NSMCE2: variants seen among roughly 807,000 people sequenced by gnomAD.
NSMCE2 encodes E3 SUMO-protein ligase NSE2.
A neutral mutation model predicts 23.8 loss-of-function variants in NSMCE2; 24 were observed. The observed-to-expected ratio is 1.01, with a 90% CI of 0.73 to 1.42. The LOEUF is 1.42. Ranked by LOEUF, NSMCE2 falls within the 40% of genes most tolerant of loss-of-function variation. The probability of loss-of-function intolerance (pLI) is 0.00; values close to 1 mark genes in which losing one functional copy is unlikely to be tolerated. For synonymous variants in NSMCE2, 92 were observed against 94.1 expected (o/e 0.98, Z 0.13); for missense variants, 284 against 296.5 (o/e 0.96, Z 0.31).
chr8:125,199,067 A>G (rs1196126140), intron 5 of NSMCE2, among the ~76,000 whole-genome samples: 3 of 151,440 alleles, frequency 2.0e-5, no homozygotes, highest in Non-Finnish European at 4.4e-5. Flanking sequence ...CGTCTGTATG[A>G]TTCCTCTCTC....
At chr8:125,237,566 C>A (rs1276771647) in intron 5 of NSMCE2, among the ~76,000 whole-genome samples, 1 of 152,174 alleles carries the variant, frequency 6.6e-6, no homozygotes, top group Non-Finnish European at 1.5e-5. Flanking sequence ...CTGGAAACTG[C>A]CTTTTCAAGG....
At chr8:125,232,017 A>T (rs760091668) in intron 5 of NSMCE2, among the ~76,000 whole-genome samples, 5 of 152,226 alleles carry the variant, frequency 3.3e-5, no homozygotes, top group Non-Finnish European at 7.3e-5. Flanking sequence ...TTAGAATATC[A>T]CCCACTGTAT....
At position 125,268,168 on chromosome 8, in the gene NSMCE2, A is replaced by G. The variant is rs552548839; in HGVS notation, c.418+85912A>G. Among the ~76,000 whole-genome samples, 5 of 151,946 alleles carry G rather than the reference A, an allele frequency of 3.3e-5. No individual in the cohort carries two copies. In the East Asian group the frequency reaches 9.7e-4, roughly 29 times the overall value. On this transcript the variant is annotated intron_variant, in intron 5 of 7. Coordinates refer to ENST00000287437, the MANE Select transcript of NSMCE2 (RefSeq NM_173685.4). ...AGGATTTTTTGAGCCTGGGAGGTCG[A>G]GGCTGCGGTGAACCATGATCACACC... is the stretch of plus-strand genomic sequence containing the variant.
At chr8:125,248,160 G>A (rs992785834) in intron 5 of NSMCE2, among the ~76,000 whole-genome samples, 1 of 152,160 alleles carries the variant, frequency 6.6e-6, no homozygotes, top group Non-Finnish European at 1.5e-5. Flanking sequence ...TGAAACTAAA[G>A]TGTGAAAAGA....
intron 5 of NSMCE2, among the ~76,000 whole-genome samples, chr8:125,309,348 T>A (rs1218000945): frequency 6.6e-6 from 1 of 152,110 alleles, no homozygotes; most frequent in African/African-American, 2.4e-5. Flanking sequence ...CATTAAGCAC[T>A]TTAGGAGCTT....
intron 7 of NSMCE2, among the ~76,000 whole-genome samples, chr8:125,366,267 G>A (rs538955456): frequency 6.6e-6 from 1 of 152,282 alleles, no homozygotes; most frequent in Admixed American, 6.5e-5. Flanking sequence ...TAGGCTGGGC[G>A]CGGTGGCTCA....
intron 3 of NSMCE2, among the ~76,000 whole-genome samples, chr8:125,115,722 G>A (rs34737949): frequency 0.066 from 10,072 of 152,020 alleles, 433 homozygotes; most frequent in South Asian, 0.15. Context: ...GCGAGACTCC[G>A]TCTCAATAAA....
At chr8:125,269,579 G>C (rs933569372) in intron 5 of NSMCE2, among the ~76,000 whole-genome samples, 1 of 152,004 alleles carries the variant, frequency 6.6e-6, no homozygotes, top group African/African-American at 2.4e-5. Flanking sequence ...TTACAGCAGG[G>C]GTCTGATGAA....
At chr8:125,126,907 GTTC>G (rs1222941282) in intron 3 of NSMCE2, 3 of 152,140 alleles carry the variant, frequency 2.0e-5, no homozygotes, top group African/African-American at 4.8e-5. Flanking sequence ...GGCACACAGC[GTTC>G]TTATTTTATC....
chr8:125,134,227 C>T (rs924860491), intron 3 of NSMCE2, among the ~76,000 whole-genome samples: 1 of 152,152 alleles, frequency 6.6e-6, no homozygotes, highest in Non-Finnish European at 1.5e-5. Flanking sequence ...GACACCCAGA[C>T]ATTATGTTAT....
chr8:125,304,399 T>C (rs1828674746), intron 5 of NSMCE2, among the ~76,000 whole-genome samples: 1 of 152,078 alleles, frequency 6.6e-6, no homozygotes. Context: ...CATGTAGGTT[T>C]CAGGAGAGAT....
At chr8:125,144,626 A>G (rs1020065326) in intron 3 of NSMCE2, among the ~76,000 whole-genome samples, 1 of 152,172 alleles carries the variant, frequency 6.6e-6, no homozygotes, top group African/African-American at 2.4e-5. Flanking sequence ...ATCTATAAAA[A>G]TAGCTAGTTT....
chr8:125,120,876 A>G (rs1357703503), intron 3 of NSMCE2, among the ~76,000 whole-genome samples: 1 of 152,228 alleles, frequency 6.6e-6, no homozygotes, highest in Non-Finnish European at 1.5e-5. Context: ...GCCTTGTAGA[A>G]TCAGACATGT....
At chr8:125,353,725 A>G (rs1813132956) in intron 5 of NSMCE2, among the ~76,000 whole-genome samples, 1 of 151,682 alleles carries the variant, frequency 6.6e-6, no homozygotes, top group Non-Finnish European at 1.5e-5. Context: ...TCCACTAAAA[A>G]TACAAAAATT....
At chr8:125,198,365 G>A (rs200852872) in intron 5 of NSMCE2, among the ~76,000 whole-genome samples, 1 of 152,046 alleles carries the variant, frequency 6.6e-6, no homozygotes, top group African/African-American at 2.4e-5. Context: ...ATGTTGCATC[G>A]ATACCTAGTT....
At position 125,253,420 on chromosome 8, in the gene NSMCE2, G is replaced by C. The variant is rs569530402; in HGVS notation, c.418+71164G>C. Among the ~76,000 whole-genome samples, 5 of 152,296 alleles carry C rather than the reference G, an allele frequency of 3.3e-5. No individual in the cohort carries two copies. The East Asian group carries it at 9.6e-4, about 29-fold the overall frequency. On this transcript the variant is annotated intron_variant, in intron 5 of 7. Coordinates refer to ENST00000287437, the MANE Select transcript of NSMCE2 (RefSeq NM_173685.4). The stretch of plus-strand genomic sequence containing the variant: ...CAAAAAAGATGCAATCTTTGTGGAT[G>C]GGTGTTTGGGGAATTCCTGCAATAT...
At chr8:125,140,820 C>T (rs2130620788) in intron 3 of NSMCE2, among the ~76,000 whole-genome samples, 1 of 152,204 alleles carries the variant, frequency 6.6e-6, no homozygotes, top group South Asian at 2.1e-4. Context: ...ACTTGAAGAC[C>T]AGAGAGAAGT....
At chr8:125,280,220 C>T (rs956679286) in intron 5 of NSMCE2, among the ~76,000 whole-genome samples, 1 of 152,142 alleles carries the variant, frequency 6.6e-6, no homozygotes, top group Admixed American at 6.5e-5. Flanking sequence ...GTTACAACTC[C>T]CTCTTCCCTG....
chr8:125,279,798 A>G (rs1200739678), intron 5 of NSMCE2, among the ~76,000 whole-genome samples: 1 of 152,208 alleles, frequency 6.6e-6, no homozygotes, highest in Admixed American at 6.6e-5. Context: ...GTTAAGTGAC[A>G]TTATAAAATC....
Sources: allele counts gnomAD v4.1 joint callset (sites outside exome capture counted in the v4.1 genomes callset), GRCh38; gene constraint gnomAD v4.1.1; transcripts MANE v1.5; gene names NCBI Gene and HGNC (gene_info 2026-07-23, HGNC 2026-07-21).